AFAP1L1: variants seen among roughly 807,000 people sequenced by gnomAD.
The protein encoded by AFAP1L1 is actin filament associated protein 1 like 1.
AFAP1L1 carries 77 observed loss-of-function variants against 99.8 expected under a neutral mutation model. The ratio of observed to expected loss-of-function variants is 0.77; its 90% confidence interval spans 0.64 to 0.93. The LOEUF is 0.93. AFAP1L1 is among the 40% of genes least tolerant of loss of function. AFAP1L1 has a pLI of 0.00. For synonymous variants in AFAP1L1, 373 were observed against 395.3 expected (o/e 0.94, Z 0.67); for missense variants, 893 against 996.8 (o/e 0.90, Z 1.40).
intron 16 of AFAP1L1, 38 bp from the exon 17 acceptor site, chr5:149,332,657 C>T: frequency 6.3e-7 from 1 of 1,588,244 alleles, no homozygotes; most frequent in Non-Finnish European, 8.6e-7. Context: ...CATTTCAGGT[C>T]AGGTTCAGCT....
At chr5:149,303,883 AACCATTTCC>A (rs1286426715) in intron 5 of AFAP1L1, among the ~76,000 whole-genome samples, 1 of 152,204 alleles carries the variant, frequency 6.6e-6, no homozygotes, top group African/African-American at 2.4e-5. Flanking sequence ...ACGTAAGATT[AACCATTTCC>A]ACCATTTCAA....
chr5:149,279,861 T>G (rs1755459651), intron 1 of AFAP1L1, among the ~76,000 whole-genome samples: 1 of 152,208 alleles, frequency 6.6e-6, no homozygotes, highest in Non-Finnish European at 1.5e-5. Context: ...CTCAAGGCAA[T>G]GTTTCCCAAT....
At chr5:149,294,738 G>C (rs2127592687) in intron 1 of AFAP1L1, among the ~76,000 whole-genome samples, 1 of 152,304 alleles carries the variant, frequency 6.6e-6, no homozygotes, top group South Asian at 2.1e-4. Flanking sequence ...CCCAGATCAG[G>C]AGCCCCATGA....
At position 149,317,820 on chromosome 5, in the gene AFAP1L1, C is replaced by T; in HGVS notation, c.1359C>T (p.Asp453=). 6.2e-7 allele frequency: 1 copy of T among 1,613,280 alleles called. No homozygotes were observed. Among genetic ancestry groups the T allele is most frequent in the Admixed American group, 1.7e-5 (1 of 59,920 alleles). ...TGTATTTCCACAAGGATCACATGGA[C>T]CTGCGAACCCATGTGAACGCCATCG... is the stretch of plus-strand genomic sequence containing the variant. The part of the protein sequence containing the change: ...NTLYFHKDHM[D]LRTHVNAIAL... The change falls in exon 12 of 19, where the codon GAC becomes GAT. Residue 453 remains aspartate, a synonymous_variant. Transcript: ENST00000296721.
intron 12 of AFAP1L1, 136 bp from the exon 13 acceptor site, chr5:149,319,446 T>C (rs1756890288): frequency 6.0e-6 from 6 of 1,001,562 alleles, no homozygotes; most frequent in Non-Finnish European, 7.1e-6. Flanking sequence ...TGTGCTATAA[T>C]CTTATTCCTC....
At chr5:149,306,665 C>T (rs1182052228) in intron 6 of AFAP1L1, among the ~76,000 whole-genome samples, 1 of 152,204 alleles carries the variant, frequency 6.6e-6, no homozygotes, top group Non-Finnish European at 1.5e-5. Context: ...TTTCGCTGAG[C>T]CTCAAGTTTC....
chr5:149,306,577 C>A (rs375381815), intron 6 of AFAP1L1, among the ~76,000 whole-genome samples, 173 bp downstream of exon 6: 3 of 152,370 alleles, frequency 2.0e-5, no homozygotes, highest in South Asian at 2.1e-4. Context: ...GTGGAAAGAC[C>A]GCTGGAATGG....
Position 149,335,855 on chromosome 5 carries a change from T to A in AFAP1L1, c.2283+133T>A, listed in dbSNP as rs572876472. 148 of 1,224,090 alleles carry A rather than the reference T, an allele frequency of 1.2e-4. No individual in the cohort carries two copies. In the African/African-American group the frequency reaches 1.8e-3, roughly 15 times the overall value. The allele number at this position is 1,224,090 out of a possible 1,614,324, so 75.8% of individuals were successfully genotyped here. On this transcript the variant is annotated intron_variant, in intron 18 of 18. Transcript: ENST00000296721. ...CAATGCATTTATACAATGAAACTCA[T>A]GAACCTTCCTCAGAAGGGGTAATCC...
At chr5:149,276,416 A>G (rs1191117973) in intron 1 of AFAP1L1, among the ~76,000 whole-genome samples, 1 of 152,248 alleles carries the variant, frequency 6.6e-6, no homozygotes, top group Non-Finnish European at 1.5e-5. Context: ...TTTCTGATTC[A>G]CAAATACCAC....
chr5:149,298,029 C>A (rs1756070336), intron 1 of AFAP1L1, among the ~76,000 whole-genome samples: 1 of 152,176 alleles, frequency 6.6e-6, no homozygotes, highest in African/African-American at 2.4e-5. Flanking sequence ...ACTGAGGAAC[C>A]CATAGGGTAA....
chr5:149,308,650 C>T (rs996836888), intron 7 of AFAP1L1, among the ~76,000 whole-genome samples: 6 of 152,282 alleles, frequency 3.9e-5, no homozygotes, highest in East Asian at 1.9e-4. Flanking sequence ...CACTCCAGGG[C>T]GGCACTAGTC....
chr5:149,311,970 T>A, intron 8 of AFAP1L1, 142 bp from the exon 9 acceptor site: 1 of 705,346 alleles, frequency 1.4e-6, no homozygotes, highest in Non-Finnish European at 2.5e-6. Flanking sequence ...CCCACACATA[T>A]GCAGGTAGCT....
chr5:149,301,072 T>A, intron 3 of AFAP1L1, 61 bp from the exon 4 acceptor site: 6 of 1,511,430 alleles, frequency 4.0e-6, no homozygotes, highest in East Asian at 2.3e-5. Flanking sequence ...TCCAGCCCTC[T>A]TCCCCTGGTC....
At chr5:149,305,210 A>G (rs146255406) in intron 5 of AFAP1L1, among the ~76,000 whole-genome samples, 2 of 152,184 alleles carry the variant, frequency 1.3e-5, no homozygotes, top group African/African-American at 4.8e-5. Context: ...GGAATTGCTC[A>G]TGTCACTTTC....
chr5:149,274,313 T>A (rs1367720549), intron 1 of AFAP1L1, among the ~76,000 whole-genome samples: 1 of 152,242 alleles, frequency 6.6e-6, no homozygotes, highest in Non-Finnish European at 1.5e-5. Flanking sequence ...TCGAATTGAT[T>A]ACTTGTACAG....
At chr5:149,272,005 C>A in intron 1 of AFAP1L1, 21 bp downstream of exon 1, 1 of 1,239,576 alleles carries the variant, frequency 8.1e-7, no homozygotes, top group South Asian at 4.1e-5. Flanking sequence ...CCGCGACGCC[C>A]GCACTTGTTG....
intron 18 of AFAP1L1, among the ~76,000 whole-genome samples, chr5:149,337,433 G>A (rs572335650): frequency 2.0e-5 from 3 of 152,230 alleles, no homozygotes; most frequent in Non-Finnish European, 2.9e-5. Context: ...ATAAAAGGGG[G>A]AACACCCTAT....
At chr5:149,318,707 C>G (rs1483012542) in intron 12 of AFAP1L1, among the ~76,000 whole-genome samples, 1 of 152,218 alleles carries the variant, frequency 6.6e-6, no homozygotes. Context: ...CGTGGACTCT[C>G]TCTTCCACAT....
chr5:149,289,939 G>C (rs936452595), intron 1 of AFAP1L1, among the ~76,000 whole-genome samples: 37 of 152,180 alleles, frequency 2.4e-4, no homozygotes, highest in Admixed American at 1.9e-3. Context: ...CTTATTGTAA[G>C]ACTTAATTTA....
Sources: allele counts gnomAD v4.1 joint callset (sites outside exome capture counted in the v4.1 genomes callset), GRCh38; gene constraint gnomAD v4.1.1; transcripts MANE v1.5; gene names NCBI Gene and HGNC (gene_info 2026-07-23, HGNC 2026-07-21).